PIGK: variants seen among roughly 807,000 people sequenced by gnomAD.
PIGK encodes phosphatidylinositol glycan anchor biosynthesis class K.
Under a neutral mutation model 50.6 loss-of-function variants are expected in PIGK, and 42 were observed. The observed-to-expected ratio is 0.83, with a 90% CI of 0.65 to 1.07. PIGK has a LOEUF of 1.07. Ranked by LOEUF, PIGK falls within the 50% of genes least tolerant of loss-of-function variation. The pLI is 0.00. For synonymous variants in PIGK, 151 were observed against 156.0 expected, an observed-to-expected ratio of 0.97 and a Z score of 0.24; for missense variants, 448 against 488.7, an observed-to-expected ratio of 0.92 and a Z score of 0.78.
intron 10 of PIGK, among the ~76,000 whole-genome samples, chr1:77,115,585 C>T (rs995281939): frequency 6.6e-5 from 10 of 152,004 alleles, no homozygotes; most frequent in Non-Finnish European, 1.2e-4. Context: ...AGAATACTCC[C>T]AAAGAGCAAC....
chr1:77,096,229 T>A (rs1025293998), intron 10 of PIGK, among the ~76,000 whole-genome samples: 1 of 152,144 alleles, frequency 6.6e-6, no homozygotes, highest in Non-Finnish European at 1.5e-5. Flanking sequence ...ACAAGGAACA[T>A]AGTGTTCTAA....
At chr1:77,134,145 C>CCATA (rs1654447363) in intron 9 of PIGK, among the ~76,000 whole-genome samples, 1 of 152,198 alleles carries the variant, frequency 6.6e-6, no homozygotes, top group Non-Finnish European at 1.5e-5. Context: ...GGCCCATGGG[C>CCATA]CATAGTCTGC....
At chr1:77,188,551 T>C (rs1655808874) in intron 3 of PIGK, among the ~76,000 whole-genome samples, 1 of 152,238 alleles carries the variant, frequency 6.6e-6, no homozygotes, top group Admixed American at 6.5e-5. Flanking sequence ...CCTGTGGTCC[T>C]GTGGTCCTGT....
chr1:77,192,368 A>G (rs1471771447), intron 3 of PIGK, among the ~76,000 whole-genome samples: 1 of 152,216 alleles, frequency 6.6e-6, no homozygotes, highest in East Asian at 1.9e-4. Context: ...AAAGCAATAT[A>G]ATGGTGTTCA....
chr1:77,124,566 G>A (rs1310996282), intron 9 of PIGK, among the ~76,000 whole-genome samples: 4 of 150,670 alleles, frequency 2.7e-5, no homozygotes, highest in African/African-American at 4.9e-5. Flanking sequence ...CCAAGACTGC[G>A]CCACTGCACT....
At chr1:77,219,280 C>A in intron 1 of PIGK, 30 bp downstream of exon 1, 2 of 1,587,438 alleles carry the variant, frequency 1.3e-6, no homozygotes, top group South Asian at 2.2e-5. Flanking sequence ...GCCGGCCTCC[C>A]GGCTGTGGTC....
intron 6 of PIGK, among the ~76,000 whole-genome samples, chr1:77,163,302 A>G (rs560737738): frequency 2.0e-5 from 3 of 152,304 alleles, no homozygotes; most frequent in East Asian, 1.9e-4. Flanking sequence ...AAGATAGCCT[A>G]TAAGTGTTTA....
chr1:77,126,479 G>C (rs1348928968), intron 9 of PIGK, among the ~76,000 whole-genome samples: 1 of 151,926 alleles, frequency 6.6e-6, no homozygotes, highest in Non-Finnish European at 1.5e-5. Context: ...ACTTTTTGTG[G>C]TGGGAGGGAC....
intron 3 of PIGK, among the ~76,000 whole-genome samples, chr1:77,190,995 A>G (rs1655892179): frequency 2.0e-5 from 3 of 152,230 alleles, no homozygotes; most frequent in African/African-American, 7.2e-5. Context: ...TCTCAGGATG[A>G]AAATCAGTAC....
At chr1:77,159,035 C>G (rs970926318) in intron 8 of PIGK, among the ~76,000 whole-genome samples, 1 of 152,136 alleles carries the variant, frequency 6.6e-6, no homozygotes, top group African/African-American at 2.4e-5. Flanking sequence ...GCAGCCCCTC[C>G]CATCACAGGC....
intron 3 of PIGK, among the ~76,000 whole-genome samples, chr1:77,175,265 G>A (rs1098124): frequency 0.044 from 6,762 of 152,168 alleles, 406 homozygotes; most frequent in African/African-American, 0.14. Context: ...AATCAGCCAC[G>A]TCCTCTAGCT....
At chr1:77,167,773 T>A (rs1385379780) in intron 4 of PIGK, among the ~76,000 whole-genome samples, 1 of 152,132 alleles carries the variant, frequency 6.6e-6, no homozygotes, top group Non-Finnish European at 1.5e-5. Context: ...AAATTATTAA[T>A]CCCTCTGCAT....
intron 6 of PIGK, 115 bp downstream of exon 6, chr1:77,163,731 C>G (rs937574719): frequency 1.1e-5 from 7 of 623,560 alleles, no homozygotes; most frequent in Non-Finnish European, 1.9e-5. Context: ...TTAAAAGAGT[C>G]AAAGAAATTG....
intron 9 of PIGK, among the ~76,000 whole-genome samples, chr1:77,146,267 C>T (rs1654765393): frequency 6.6e-6 from 1 of 152,008 alleles, no homozygotes. Context: ...ATCCTAATGA[C>T]CCTGGTTAAG....
rs1395911742 is a variant in PIGK at position 77,090,070 on chromosome 1, A to G, written c.*2304T>C. Reference sequence around the variant, plus strand: ...TATCCTCCTAAGCCGACATAAGAACAATAATGCCACCATATATTTACAATT... The same window carrying G: ...TATCCTCCTAAGCCGACATAAGAACGATAATGCCACCATATATTTACAATT... On this transcript the variant is annotated 3_prime_UTR_variant, in exon 11 of 11. Coordinates refer to ENST00000370812, the MANE Select transcript of PIGK (RefSeq NM_005482.3). The G allele has an allele frequency of 6.6e-6, 1 of 152,240 alleles. No homozygotes were observed. The highest frequency in any genetic ancestry group is 1.5e-5 in the Non-Finnish European group (1 of 68,048). 9.4% of individuals were successfully genotyped at this position (152,240 alleles called of 1,614,324 possible). A position where few individuals can be genotyped will look rare whatever the true frequency, so the allele number is the denominator to read the frequency against.
intron 10 of PIGK, among the ~76,000 whole-genome samples, chr1:77,117,923 C>T (rs1654015643): frequency 1.3e-5 from 2 of 152,062 alleles, no homozygotes. Flanking sequence ...CAATTTATGC[C>T]AATTTATACT....
At chr1:77,149,569 T>A (rs1314662712) in intron 9 of PIGK, among the ~76,000 whole-genome samples, 1 of 152,144 alleles carries the variant, frequency 6.6e-6, no homozygotes, top group Non-Finnish European at 1.5e-5. Context: ...TAAATATGTA[T>A]ATACCCATTG....
intron 6 of PIGK, among the ~76,000 whole-genome samples, chr1:77,162,574 T>C (rs377169791): frequency 1.1e-4 from 17 of 152,248 alleles, no homozygotes; most frequent in African/African-American, 4.1e-4. Flanking sequence ...TTTGTTGTTG[T>C]TTTAATGAAA....
Position 77,122,344 on chromosome 1 carries a change from CTGGTCT to C in PIGK, c.996_1001del (p.Asp333_Gln334del). The C allele has an allele frequency of 1.9e-6, 3 of 1,598,062 alleles. No homozygotes were observed. The highest frequency in any genetic ancestry group is 2.6e-6 in the Non-Finnish European group (3 of 1,166,082). Reference sequence around the variant, plus strand: ...GAGGTTCCATTAGTTTCTCATCCATCTGGTCTTCCTTATAGCTGGAAAAGATAATTT... The same window carrying C: ...GAGGTTCCATTAGTTTCTCATCCATCTCCTTATAGCTGGAAAAGATAATTT... On this transcript the variant is annotated inframe_deletion, in exon 10 of 11. Coordinates refer to ENST00000370812, the MANE Select transcript of PIGK (RefSeq NM_005482.3).
Sources: allele counts gnomAD v4.1 joint callset (sites outside exome capture counted in the v4.1 genomes callset), GRCh38; gene constraint gnomAD v4.1.1; transcripts MANE v1.5; gene names NCBI Gene and HGNC (gene_info 2026-07-23, HGNC 2026-07-21).